The following MSRB3 variants were observed in gnomAD, a reference collection of about 807,000 sequenced individuals.
MSRB3 encodes methionine-R-sulfoxide reductase B3.
Under a neutral mutation model 21.0 loss-of-function variants are expected in MSRB3, and 13 were observed. The observed-to-expected ratio is 0.62, with a 90% CI of 0.40 to 0.98. MSRB3 has a LOEUF of 0.98. MSRB3 is among the 50% of genes least tolerant of loss of function. The pLI is 0.00. For synonymous variants in MSRB3, 87 were observed against 88.6 expected (o/e 0.98, Z 0.10); for missense variants, 199 against 230.3 (o/e 0.86, Z 0.88).
chr12:65,315,496 C>G (rs1332484838), intron 2 of MSRB3, among the ~76,000 whole-genome samples: 2 of 151,668 alleles, frequency 1.3e-5, no homozygotes, highest in African/African-American at 4.8e-5. Context: ...ATAGTGAAAC[C>G]CTGTCTCTAC....
Position 65,383,305 on chromosome 12 carries a change from G to A in MSRB3, c.292+14279G>A, listed in dbSNP as rs1046592363. On this transcript the variant is annotated intron_variant, in intron 5 of 6. Transcript: ENST00000308259. ...TTGTAAAATAGTTTAGTGCCTAGCA[G>A]AAATAACTCTTGGTGTAGAAATATA... Among the ~76,000 whole-genome samples, 4 of 152,320 alleles carry A rather than the reference G, an allele frequency of 2.6e-5. No individual in the cohort carries two copies. In the South Asian group the frequency reaches 8.3e-4, roughly 32 times the overall value.
chr12:65,460,651 G>T (rs1883284604), intron 6 of MSRB3, among the ~76,000 whole-genome samples: 1 of 151,828 alleles, frequency 6.6e-6, no homozygotes, highest in Admixed American at 6.6e-5. Flanking sequence ...CGTTTCTGAG[G>T]ATTTTTCTAC....
intron 6 of MSRB3, 181 bp downstream of exon 6, chr12:65,454,006 C>CA: frequency 1.4e-6 from 1 of 693,828 alleles, no homozygotes; most frequent in Non-Finnish European, 2.6e-6. Context: ...ATGTTAAGGT[C>CA]GGCATGATAG....
chr12:65,340,687 G>A (rs1312530422), intron 4 of MSRB3, among the ~76,000 whole-genome samples: 1 of 152,086 alleles, frequency 6.6e-6, no homozygotes, highest in African/African-American at 2.4e-5. Context: ...TTTCTGTCAA[G>A]TGTAGTCAAG....
intron 1 of MSRB3, among the ~76,000 whole-genome samples, chr12:65,288,829 G>C (rs927564087): frequency 6.6e-6 from 1 of 151,986 alleles, no homozygotes; most frequent in African/African-American, 2.4e-5. Flanking sequence ...AAACTTCACT[G>C]TGAGTTTTAA....
intron 4 of MSRB3, among the ~76,000 whole-genome samples, chr12:65,354,839 A>G (rs1877285093): frequency 2.0e-5 from 3 of 151,862 alleles, no homozygotes; most frequent in Admixed American, 6.6e-5. Flanking sequence ...TTAGGATACA[A>G]TCTCATGTTT....
At chr12:65,446,301 G>A (rs1247869697) in intron 5 of MSRB3, among the ~76,000 whole-genome samples, 3 of 152,204 alleles carry the variant, frequency 2.0e-5, no homozygotes, top group Non-Finnish European at 4.4e-5. Flanking sequence ...TGCCATTGCA[G>A]ATGTCATAAA....
chr12:65,373,889 C>T (rs1244500184), intron 5 of MSRB3, among the ~76,000 whole-genome samples: 1 of 152,028 alleles, frequency 6.6e-6, no homozygotes, highest in Non-Finnish European at 1.5e-5. Context: ...AAGGAATCTA[C>T]ACCAGGGTAA....
intron 4 of MSRB3, among the ~76,000 whole-genome samples, chr12:65,341,320 C>A (rs1876124425): frequency 1.3e-5 from 2 of 152,130 alleles, no homozygotes. Flanking sequence ...ACAAACATCA[C>A]ATGTTCTCAC....
chr12:65,323,349 A>G (rs1287422881), intron 2 of MSRB3, among the ~76,000 whole-genome samples: 2 of 152,242 alleles, frequency 1.3e-5, no homozygotes, highest in Non-Finnish European at 2.9e-5. Flanking sequence ...ATTTCAATAA[A>G]TAAAATATCC....
intron 5 of MSRB3, among the ~76,000 whole-genome samples, chr12:65,370,780 A>G (rs1878275701): frequency 6.6e-6 from 1 of 152,172 alleles, no homozygotes; most frequent in African/African-American, 2.4e-5. Context: ...CATGGACAAC[A>G]TCTGCATGTC....
At chr12:65,317,221 TA>T (rs1188782851) in intron 2 of MSRB3, among the ~76,000 whole-genome samples, 3 of 152,178 alleles carry the variant, frequency 2.0e-5, no homozygotes, top group Non-Finnish European at 2.9e-5. Flanking sequence ...CTTTCCCTTG[TA>T]AAATGGATCT....
intron 5 of MSRB3, among the ~76,000 whole-genome samples, chr12:65,426,701 A>G (rs539020749): frequency 6.6e-6 from 1 of 152,228 alleles, no homozygotes; most frequent in South Asian, 2.1e-4. Context: ...TTCTGATGCT[A>G]TCTGATAAAT....
intron 4 of MSRB3, among the ~76,000 whole-genome samples, chr12:65,355,401 A>G (rs1282484368): frequency 4.6e-5 from 7 of 151,890 alleles, no homozygotes; most frequent in Non-Finnish European, 8.8e-5. Flanking sequence ...AGGTCAAACC[A>G]GATAACTAAC....
chr12:65,289,724 G>C (rs914142716), intron 1 of MSRB3, among the ~76,000 whole-genome samples: 2 of 152,186 alleles, frequency 1.3e-5, no homozygotes, highest in East Asian at 3.9e-4. Context: ...ATAGGCCCCA[G>C]TGTCGATTGT....
intron 3 of MSRB3, among the ~76,000 whole-genome samples, chr12:65,327,294 A>AT (rs575008834): frequency 1.1e-4 from 17 of 152,378 alleles, no homozygotes; most frequent in African/African-American, 4.1e-4. Context: ...GGATGCTGAA[A>AT]TTTTGAAGGT....
At chr12:65,445,225 C>G (rs1882560180) in intron 5 of MSRB3, among the ~76,000 whole-genome samples, 1 of 152,064 alleles carries the variant, frequency 6.6e-6, no homozygotes, top group Non-Finnish European at 1.5e-5. Context: ...TATAAACTCT[C>G]CCCTGCTTCC....
chr12:65,292,114 T>C (rs1294949403), intron 1 of MSRB3, among the ~76,000 whole-genome samples: 7 of 152,178 alleles, frequency 4.6e-5, no homozygotes, highest in Non-Finnish European at 1.0e-4. Flanking sequence ...TGAAACAGTT[T>C]TGGTTGAAGC....
chr12:65,289,814 A>C (rs904415155), intron 1 of MSRB3, among the ~76,000 whole-genome samples: 3 of 152,104 alleles, frequency 2.0e-5, no homozygotes. Flanking sequence ...TTCCTGCATT[A>C]ATTTGTTTAG....
Sources: allele counts gnomAD v4.1 joint callset (sites outside exome capture counted in the v4.1 genomes callset), GRCh38; gene constraint gnomAD v4.1.1; transcripts MANE v1.5; gene names NCBI Gene and HGNC (gene_info 2026-07-23, HGNC 2026-07-21).